PTPRJ: variants seen among roughly 807,000 people sequenced by gnomAD.
PTPRJ encodes the protein receptor-type tyrosine-protein phosphatase eta.
In PTPRJ, 129 loss-of-function variants were observed where a neutral mutation model predicts 141.3. The ratio of observed to expected loss-of-function variants is 0.91; its 90% CI spans 0.79 to 1.06. PTPRJ has a LOEUF of 1.06. PTPRJ is among the 50% of genes least tolerant of loss of function. The pLI, the probability that PTPRJ is intolerant of heterozygous loss-of-function variation, is 0.00. For missense variants in PTPRJ, 1,601 were observed against 1,679.7 expected, an observed-to-expected ratio of 0.95 and a Z score of 0.82; for synonymous variants, 610 against 640.5, an observed-to-expected ratio of 0.95 and a Z score of 0.72.
At chr11:48,003,297 A>G (rs1208778522) in intron 1 of PTPRJ, among the ~76,000 whole-genome samples, 2 of 152,142 alleles carry the variant, frequency 1.3e-5, no homozygotes, top group Admixed American at 6.5e-5. Flanking sequence ...TGAATACAGC[A>G]TTTTCTGTAA....
At chr11:48,076,154 A>C (rs1427550128) in intron 1 of PTPRJ, among the ~76,000 whole-genome samples, 1 of 152,058 alleles carries the variant, frequency 6.6e-6, no homozygotes, top group Non-Finnish European at 1.5e-5. Context: ...GGGTCAATTT[A>C]TGTTCTCAGT....
At position 48,132,688 on chromosome 11, in the gene PTPRJ, A is replaced by G. The variant is rs36111902; in HGVS notation, c.1615+1972A>G. On this transcript the variant is annotated intron_variant, in intron 8 of 24. Coordinates refer to ENST00000418331, the MANE Select transcript of PTPRJ (RefSeq NM_002843.4). ...GCACATGTACCCTAGAACTTAAAGTATAATAAAAACATATATATATATATA... is the reference window on the plus strand; with the variant it reads ...GCACATGTACCCTAGAACTTAAAGTGTAATAAAAACATATATATATATATA... 5.4e-3 allele frequency: 4,723 copies of G among 879,294 alleles called. 185 individuals are homozygous for G. The African/African-American group carries it at 0.08, about 15-fold the overall frequency. The allele number at this position is 879,294 out of a possible 1,614,324, so 54.5% of individuals were successfully genotyped here.
Position 48,127,951 on chromosome 11 carries a change from C to G in PTPRJ, c.1265C>G (p.Pro422Arg). 1 of 1,614,184 alleles carries G rather than the reference C, an allele frequency of 6.2e-7. No individual in the cohort carries two copies. The highest frequency in any genetic ancestry group is 1.1e-5 in the South Asian group (1 of 91,082). ...LNVSEPRAVI[P>R]GLRSSTFYNI... ...GTCAGTGAGCCTCGCGCTGTCATCC[C>G]CGGACTCCGCTCCAGCACCTTCTAC... The change falls in exon 7 of 25, where the codon CCC becomes CGC. Residue 422 changes from proline (P) to arginine (R), a missense_variant. By Grantham distance (103) the Pro-to-Arg change is moderately radical. Transcript: ENST00000418331.
At chr11:47,983,929 T>C (rs1349787182) in intron 1 of PTPRJ, among the ~76,000 whole-genome samples, 1 of 152,262 alleles carries the variant, frequency 6.6e-6, no homozygotes, top group Non-Finnish European at 1.5e-5. Flanking sequence ...TCATGGCTAA[T>C]CCTTAAGCCT....
At chr11:48,077,360 G>A (rs1230650580) in intron 1 of PTPRJ, among the ~76,000 whole-genome samples, 3 of 152,162 alleles carry the variant, frequency 2.0e-5, no homozygotes, top group Non-Finnish European at 2.9e-5. Flanking sequence ...GGAGCTGTGG[G>A]TGTGGGCTGA....
At chr11:48,163,705 A>G (rs1857842612) in intron 23 of PTPRJ, 87 bp downstream of exon 23, 4 of 1,378,620 alleles carry the variant, frequency 2.9e-6, no homozygotes, top group Non-Finnish European at 4.0e-6. Flanking sequence ...CTAAGAGGGA[A>G]TGTAATAGGC....
At chr11:48,073,220 T>C (rs1855307070) in intron 1 of PTPRJ, among the ~76,000 whole-genome samples, 1 of 152,214 alleles carries the variant, frequency 6.6e-6, no homozygotes, top group Non-Finnish European at 1.5e-5. Flanking sequence ...CCCAGCTATC[T>C]GATCTGTTCC....
rs867682607 is a variant in PTPRJ at position 47,985,397 on chromosome 11, T to A, written c.96+4389T>A. On this transcript the variant is annotated intron_variant, in intron 1 of 24. Coordinates refer to ENST00000418331, the MANE Select transcript of PTPRJ (RefSeq NM_002843.4). The stretch of plus-strand genomic sequence containing the variant: ...CTGGGCTCAAGTGATCTGCCCACCT[T>A]GGCTCCCCAAAGTGTTGGGATTACA... Among the ~76,000 whole-genome samples the A allele has an allele frequency of 4.6e-5, 7 of 151,438 alleles. No individual in the cohort carries two copies. The South Asian group carries it at 1.0e-3, about 23-fold the overall frequency.
intron 2 of PTPRJ, among the ~76,000 whole-genome samples, chr11:48,111,280 C>CAAAAAAAAAAAAAAAAAAAAAATA (rs1856431932): frequency 1.5e-5 from 1 of 67,248 alleles, no homozygotes; most frequent in African/African-American, 6.1e-5. Flanking sequence ...AACTCCATCT[C>CAAAAAAAAAAAAAAAAAAAAAATA]AAAAAAAAAA....
In PTPRJ at chr11:48,148,645, G is replaced by A. The variant is rs573025583; in HGVS notation, c.3000-802G>A. Among the ~76,000 whole-genome samples, 3 of 152,084 alleles carry A rather than the reference G, an allele frequency of 2.0e-5. No homozygotes were observed. The South Asian group carries it at 6.2e-4, about 32-fold the overall frequency. ...AGTAGAGATGGAGTTTTGCCATGTT[G>A]GCTGGTCTTAAACTCCTGACCTCAG... On this transcript the variant is annotated intron_variant, in intron 15 of 24. Transcript: ENST00000418331.
Position 48,137,259 on chromosome 11 carries a change from T to C in PTPRJ, c.2130T>C (p.Pro710=). The C allele has an allele frequency of 6.2e-7, 1 of 1,614,144 alleles. No individual in the cohort carries two copies. Among genetic ancestry groups the C allele is most frequent in the Non-Finnish European group, 8.5e-7 (1 of 1,179,998 alleles). ...GGGATGGGATCAAGTCACTGGAACC[T>C]GGCCGGAAGTCATTCTGTACAGGTG... The part of the protein sequence containing the change: ...QVGDGIKSLE[P]GRKSFCTDPA... Residue 710 remains proline (P), a synonymous_variant, in exon 10 of 25, where the codon CCT becomes CCC. Coordinates refer to ENST00000418331, the MANE Select transcript of PTPRJ (RefSeq NM_002843.4).
chr11:48,137,886 C>G (rs1303615700), intron 10 of PTPRJ, among the ~76,000 whole-genome samples: 1 of 152,188 alleles, frequency 6.6e-6, no homozygotes, highest in African/African-American at 2.4e-5. Context: ...TTGCATCCTT[C>G]TTGATCCTCA....
chr11:48,103,780 C>A (rs1247952769), intron 1 of PTPRJ, among the ~76,000 whole-genome samples: 1 of 152,144 alleles, frequency 6.6e-6, no homozygotes, highest in African/African-American at 2.4e-5. Flanking sequence ...CCAATGGAAA[C>A]TTCTGGCCTG....
intron 8 of PTPRJ, 135 bp from the exon 9 acceptor site, chr11:48,135,904 T>G: frequency 1.0e-6 from 1 of 1,000,936 alleles, no homozygotes; most frequent in Non-Finnish European, 1.5e-6. Context: ...CTCAGCTCGA[T>G]TTTGGAGTGT....
intron 1 of PTPRJ, among the ~76,000 whole-genome samples, chr11:47,993,409 C>T (rs569091878): frequency 3.3e-5 from 5 of 152,282 alleles, no homozygotes; most frequent in African/African-American, 1.2e-4. Context: ...CCTCCTGCCT[C>T]AGCCTCCTGA....
At chr11:47,994,121 A>G (rs1303193888) in intron 1 of PTPRJ, among the ~76,000 whole-genome samples, 2 of 151,176 alleles carry the variant, frequency 1.3e-5, no homozygotes, top group Admixed American at 1.3e-4. Flanking sequence ...GCAGTCTCCC[A>G]AAGTGCTGGG....
chr11:48,116,803 C>T (rs755938128), intron 3 of PTPRJ, among the ~76,000 whole-genome samples: 17 of 152,202 alleles, frequency 1.1e-4, no homozygotes, highest in Non-Finnish European at 1.9e-4. Context: ...AATTAAACAA[C>T]ATGCTCCTGA....
chr11:47,986,919 A>C (rs2134174090), intron 1 of PTPRJ, among the ~76,000 whole-genome samples: 1 of 152,126 alleles, frequency 6.6e-6, no homozygotes, highest in Non-Finnish European at 1.5e-5. Flanking sequence ...TTTTCCCCTA[A>C]TGTTAAGAAT....
chr11:48,131,569 T>C, intron 8 of PTPRJ: 1 of 768,170 alleles, frequency 1.3e-6, no homozygotes, highest in South Asian at 1.4e-5. Flanking sequence ...CAGATAAGAA[T>C]GGCCCCTATG....
Sources: allele counts gnomAD v4.1 joint callset (sites outside exome capture counted in the v4.1 genomes callset), GRCh38; gene constraint gnomAD v4.1.1; transcripts MANE v1.5; gene names NCBI Gene and HGNC (gene_info 2026-07-23, HGNC 2026-07-21).